The following GLDC variants were observed in gnomAD, a reference collection of about 807,000 sequenced individuals.
GLDC encodes glycine dehydrogenase (decarboxylating), mitochondrial.
A neutral mutation model predicts 121.3 loss-of-function variants in GLDC; 104 were observed. The ratio of observed to expected loss-of-function variants is 0.86; its 90% CI spans 0.73 to 1.01. The LOEUF (loss-of-function observed/expected upper bound fraction) is 1.01, where lower values mean the gene tolerates loss of function less well. GLDC is among the 50% of genes least tolerant of loss of function. The pLI is 0.00. For synonymous variants in GLDC, 546 were observed against 480.6 expected, an observed-to-expected ratio of 1.14 and a Z score of -1.78; for missense variants, 1,429 against 1,306.6, an observed-to-expected ratio of 1.09 and a Z score of -1.44.
intron 17 of GLDC, among the ~76,000 whole-genome samples, chr9:6,556,793 C>CAA (rs71308875): frequency 4.4e-4 from 61 of 138,518 alleles, no homozygotes; most frequent in South Asian, 1.6e-3. Context: ...GACTCCACGT[C>CAA]AAAAAAAAAA....
At chr9:6,625,357 A>G (rs999726679) in intron 2 of GLDC, among the ~76,000 whole-genome samples, 1 of 152,200 alleles carries the variant, frequency 6.6e-6, no homozygotes, top group Non-Finnish European at 1.5e-5. Flanking sequence ...GGCTGAGAGA[A>G]CCAACTCAAT....
intron 7 of GLDC, among the ~76,000 whole-genome samples, 164 bp downstream of exon 7, chr9:6,604,424 A>T (rs1258138132): frequency 6.6e-6 from 1 of 152,236 alleles, no homozygotes; most frequent in Non-Finnish European, 1.5e-5. Flanking sequence ...GAGAAGTACT[A>T]GCTCATATCC....
At chr9:6,588,517 G>C in intron 13 of GLDC, 75 bp from the exon 14 acceptor site, 2 of 1,442,960 alleles carry the variant, frequency 1.4e-6, no homozygotes, top group South Asian at 1.1e-5. Context: ...CATTCTCCCA[G>C]CATGGCCACC....
chr9:6,612,896 G>C (rs1818889372), intron 3 of GLDC, among the ~76,000 whole-genome samples: 1 of 151,998 alleles, frequency 6.6e-6, no homozygotes, highest in Non-Finnish European at 1.5e-5. Flanking sequence ...CTGGAGGATA[G>C]TTTGAGGCTG....
chr9:6,592,255 A>C (rs556196085), intron 10 of GLDC, 32 bp from the exon 11 acceptor site: 2 of 1,287,766 alleles, frequency 1.6e-6, no homozygotes, highest in South Asian at 2.4e-5. Flanking sequence ...GGAAAACATC[A>C]ACTCTAAACT....
chr9:6,596,304 A>T (rs908967574), intron 8 of GLDC, among the ~76,000 whole-genome samples: 4 of 152,242 alleles, frequency 2.6e-5, no homozygotes, highest in Admixed American at 2.0e-4. Context: ...AGGCTATATC[A>T]CACGGCTGAA....
At chr9:6,608,151 C>T (rs897083814) in intron 4 of GLDC, among the ~76,000 whole-genome samples, 4 of 151,962 alleles carry the variant, frequency 2.6e-5, no homozygotes, top group African/African-American at 4.8e-5. Context: ...GGGTGGTTCA[C>T]GCCTGTAATC....
Position 6,533,346 on chromosome 9 carries a change from G to C in GLDC, c.2920-186C>G, listed in dbSNP as rs1184827737. Among the ~76,000 whole-genome samples the C allele has an allele frequency of 2.0e-5, 3 of 152,254 alleles. No individual in the cohort carries two copies. In the East Asian group the frequency reaches 5.8e-4, roughly 29 times the overall value. ...GGCATTTCCCAGGAGGCGTGTCCCT[G>C]ATCACCACCCCTGTTAAGCATCCCT... On this transcript the variant is annotated intron_variant, in intron 24 of 24. Transcript: ENST00000321612.
chr9:6,574,035 C>A (rs1587936954), intron 15 of GLDC, among the ~76,000 whole-genome samples: 2 of 152,202 alleles, frequency 1.3e-5, no homozygotes, highest in East Asian at 3.8e-4. Flanking sequence ...CTGTAATGTT[C>A]TTACCAATCT....
chr9:6,615,994 TG>T, intron 3 of GLDC, among the ~76,000 whole-genome samples: 1 of 152,286 alleles, frequency 6.6e-6, no homozygotes, highest in Admixed American at 6.5e-5. Flanking sequence ...TGTTCACCTG[TG>T]CGATGATTGG....
chr9:6,540,381 A>C (rs1817229633), intron 21 of GLDC: 1 of 502,998 alleles, frequency 2.0e-6, no homozygotes, highest in South Asian at 2.1e-5. Flanking sequence ...AGCTCACTAC[A>C]CACCTGTGAA....
At chr9:6,640,206 A>G (rs1005375179) in intron 2 of GLDC, among the ~76,000 whole-genome samples, 1 of 152,214 alleles carries the variant, frequency 6.6e-6, no homozygotes, top group African/African-American at 2.4e-5. Flanking sequence ...CATTTAGCTA[A>G]TCTTTACTGT....
rs1350869649 is a variant in GLDC at position 6,586,575 on chromosome 9, G to A, written c.1850+566C>T. Among the ~76,000 whole-genome samples the A allele has an allele frequency of 2.0e-5, 3 of 152,330 alleles. No individual in the cohort carries two copies. In the South Asian group the frequency reaches 6.2e-4, roughly 32 times the overall value. On this transcript the variant is annotated intron_variant, in intron 15 of 24. Transcript: ENST00000321612. ...CTGGCCCTGCTAAACTGAGACACTTGTTGGAATTCAGCATGTGTGCTTGAT... is the reference window on the plus strand; with the variant it reads ...CTGGCCCTGCTAAACTGAGACACTTATTGGAATTCAGCATGTGTGCTTGAT...
At chr9:6,554,613 G>A in intron 19 of GLDC, 56 bp downstream of exon 19, 2 of 1,169,120 alleles carry the variant, frequency 1.7e-6, no homozygotes, top group Non-Finnish European at 2.5e-6. Flanking sequence ...TCTATTTAGG[G>A]CCACTCCTTC....
intron 15 of GLDC, among the ~76,000 whole-genome samples, chr9:6,572,271 C>A (rs1156403339): frequency 6.6e-6 from 1 of 152,108 alleles, no homozygotes. Context: ...CTACCATAGC[C>A]AACGAGCAGT....
chr9:6,587,006 T>C (rs1438129954), intron 15 of GLDC, 135 bp downstream of exon 15: 2 of 755,100 alleles, frequency 2.6e-6, no homozygotes, highest in Non-Finnish European at 4.7e-6. Context: ...CTAGCCATGC[T>C]CTCCCCAGTG....
chr9:6,576,030 G>C (rs1219712997), intron 15 of GLDC, among the ~76,000 whole-genome samples: 1 of 152,112 alleles, frequency 6.6e-6, no homozygotes, highest in African/African-American at 2.4e-5. Flanking sequence ...TTTTCTTTCA[G>C]GCCCTTCAAA....
chr9:6,602,180 G>A lies in GLDC; in HGVS notation c.1084C>T (p.Arg362Cys), dbSNP rs10975674. The A allele has an allele frequency of 1.9e-6, 3 of 1,611,698 alleles. No individual in the cohort carries two copies. Among genetic ancestry groups the A allele is most frequent in the African/African-American group, 1.3e-5 (1 of 74,976 alleles). The stretch of plus-strand genomic sequence containing the variant: ...TGCTCCCTGGTTTGAAGAGCAAGAC[G>A]ATACACTTCTTTCCCAGTGGCATCT... ...TRDATGKEVY[R>C]LALQTREQHI... Residue 362 changes from arginine (R) to cysteine (C), a missense_variant, in exon 8 of 25, where the codon CGT becomes TGT. Transcript: ENST00000321612.
intron 22 of GLDC, among the ~76,000 whole-genome samples, chr9:6,536,936 T>C (rs1486867103): frequency 1.3e-5 from 2 of 152,114 alleles, no homozygotes; most frequent in African/African-American, 4.8e-5. Context: ...TTTTCACATG[T>C]AAGGTAGTGC....
Sources: gnomAD v4.1 joint callset for allele counts (sites outside exome capture counted in the v4.1 genomes callset) on GRCh38, gnomAD v4.1.1 for gene constraint, MANE v1.5 for transcripts, NCBI Gene and HGNC (gene_info 2026-07-23, HGNC 2026-07-21) for gene names.